The following TRPM6 variants were observed in gnomAD, a reference collection of about 807,000 sequenced individuals.
TRPM6 encodes transient receptor potential cation channel subfamily M member 6.
A neutral mutation model predicts 247.6 loss-of-function variants in TRPM6; 111 were observed. The observed-to-expected ratio is 0.45, with a 90% CI of 0.38 to 0.52. The LOEUF (loss-of-function observed/expected upper bound fraction) is 0.52, where lower values mean the gene tolerates loss of function less well. Ranked by LOEUF, TRPM6 falls within the 20% of genes least tolerant of loss-of-function variation. The pLI is 0.00. For synonymous variants in TRPM6, 892 were observed against 853.8 expected (o/e 1.04, Z -0.78); for missense variants, 2,126 against 2,421.5 (o/e 0.88, Z 2.56).
At chr9:74,757,140 T>G (rs538798060) in intron 27 of TRPM6, among the ~76,000 whole-genome samples, 1 of 148,524 alleles carries the variant, frequency 6.7e-6, no homozygotes, top group East Asian at 2.1e-4. Context: ...ATGGTGCCAC[T>G]GCACTCCAGC....
chr9:74,839,110 CAAAAA>C (rs1041936045), intron 5 of TRPM6, among the ~76,000 whole-genome samples: 1 of 62,982 alleles, frequency 1.6e-5, no homozygotes. Context: ...GACTTCATCT[CAAAAA>C]AAAAAAAAAA....
At chr9:74,784,289 A>G (rs1827569368) in intron 21 of TRPM6, among the ~76,000 whole-genome samples, 1 of 151,776 alleles carries the variant, frequency 6.6e-6, no homozygotes, top group Admixed American at 6.6e-5. Flanking sequence ...AGAAAGAAAA[A>G]GAAAAAAAGA....
chr9:74,812,262 C>T, intron 12 of TRPM6, 37 bp downstream of exon 12: 1 of 1,612,180 alleles, frequency 6.2e-7, no homozygotes, highest in Non-Finnish European at 8.5e-7. Flanking sequence ...CTTCTTGAAT[C>T]TGGAGGGAAA....
chr9:74,790,530 A>C (rs1002645419), intron 19 of TRPM6, among the ~76,000 whole-genome samples: 2 of 152,128 alleles, frequency 1.3e-5, no homozygotes, highest in African/African-American at 4.8e-5. Flanking sequence ...GATTCCTTAT[A>C]CTGGACTCAT....
chr9:74,843,738 C>T (rs1055428891), intron 3 of TRPM6, among the ~76,000 whole-genome samples: 4 of 151,130 alleles, frequency 2.6e-5, no homozygotes, highest in African/African-American at 9.7e-5. Context: ...TGGCATGAAC[C>T]CAGGAGGTGG....
intron 7 of TRPM6, among the ~76,000 whole-genome samples, chr9:74,824,643 C>T (rs1034976647): frequency 6.6e-6 from 1 of 151,566 alleles, no homozygotes; most frequent in Non-Finnish European, 1.5e-5. Context: ...CTGTAAGGTC[C>T]CAGGGTGAGG....
intron 2 of TRPM6, among the ~76,000 whole-genome samples, chr9:74,856,526 G>A (rs1403708155): frequency 1.3e-5 from 2 of 151,410 alleles, no homozygotes; most frequent in African/African-American, 4.9e-5. Flanking sequence ...TAAAATAATG[G>A]AAGAAAAGGT....
rs77107142 is a variant in TRPM6, at chr9:74,772,750, G to A, written c.3404-915C>T. 4.5e-3 allele frequency among the ~76,000 whole-genome samples: 687 copies of A among 152,304 alleles called. 4 individuals carry two copies. Among genetic ancestry groups the A allele is most frequent in the African/African-American group, 0.016 (645 of 41,566 alleles). On this transcript the variant is annotated intron_variant, in intron 24 of 38. Transcript: ENST00000360774. ...TGGCAGGGCATGGTGGCTCACACCTGTAATCCCAGCACTTTGGGAGGCCGA... is the reference window on the plus strand; with the variant it reads ...TGGCAGGGCATGGTGGCTCACACCTATAATCCCAGCACTTTGGGAGGCCGA...
intron 37 of TRPM6, among the ~76,000 whole-genome samples, chr9:74,731,365 C>T (rs1378809717): frequency 6.6e-6 from 1 of 151,990 alleles, no homozygotes; most frequent in African/African-American, 2.4e-5. Context: ...AAATAATATT[C>T]TTAGCTAAAA....
At chr9:74,811,891 G>C (rs1828741865) in intron 12 of TRPM6, among the ~76,000 whole-genome samples, 1 of 152,190 alleles carries the variant, frequency 6.6e-6, no homozygotes, top group African/African-American at 2.4e-5. Flanking sequence ...GAATGCTGGA[G>C]AAGAGTGCAG....
intron 17 of TRPM6, 72 bp downstream of exon 17, chr9:74,800,182 A>C (rs1373254210): frequency 7.1e-7 from 1 of 1,411,482 alleles, no homozygotes; most frequent in African/African-American, 1.4e-5. Flanking sequence ...TTCTGGAACA[A>C]AATGTAACTC....
intron 1 of TRPM6, among the ~76,000 whole-genome samples, chr9:74,870,134 G>A (rs1264066678): frequency 2.0e-5 from 3 of 152,008 alleles, no homozygotes; most frequent in African/African-American, 7.2e-5. Flanking sequence ...TAGGTTCTAC[G>A]GATCACAAAG....
Position 74,724,510 on chromosome 9 carries a change from C to T in TRPM6, c.*103G>A. The T allele has an allele frequency of 6.4e-7, 1 of 1,557,554 alleles. No individual in the cohort carries two copies. Among genetic ancestry groups the T allele is most frequent in the East Asian group, 2.2e-5 (1 of 44,530 alleles). ...AGATGTGAGGCTCAGAAGGCGTGTC[C>T]CAAGGAGACGCTGATGTAATCAACA... On this transcript the variant is annotated 3_prime_UTR_variant, in exon 39 of 39. Coordinates refer to ENST00000360774, the MANE Select transcript of TRPM6 (RefSeq NM_017662.5).
At position 74,773,517 on chromosome 9, in the gene TRPM6, C is replaced by A. The variant is rs77469698; in HGVS notation, c.3404-1682G>T. Among the ~76,000 whole-genome samples the A allele has an allele frequency of 4.2e-3, 642 of 152,294 alleles. 5 individuals are homozygous for A. Among genetic ancestry groups the A allele is most frequent in the African/African-American group, 0.015 (607 of 41,560 alleles). The stretch of plus-strand genomic sequence containing the variant: ...GGCTAACACAATTCTTCATCAAACT[C>A]CAGCATTCACATTTGGTCTATTACC... On this transcript the variant is annotated intron_variant, in intron 24 of 38. Coordinates refer to ENST00000360774, the MANE Select transcript of TRPM6 (RefSeq NM_017662.5).
chr9:74,847,157 T>TA (rs530308195), intron 3 of TRPM6, among the ~76,000 whole-genome samples: 111 of 152,318 alleles, frequency 7.3e-4, no homozygotes, highest in Non-Finnish European at 1.3e-3. Flanking sequence ...ATTTCCTTTG[T>TA]AAAAAAATTT....
At chr9:74,795,524 C>T (rs115477362) in intron 18 of TRPM6, among the ~76,000 whole-genome samples, 3 of 152,150 alleles carry the variant, frequency 2.0e-5, no homozygotes, top group Admixed American at 6.5e-5. Flanking sequence ...CACTTCCCAA[C>T]TCCATGACCC....
chr9:74,836,304 A>G (rs1829719300), intron 5 of TRPM6, among the ~76,000 whole-genome samples: 1 of 152,164 alleles, frequency 6.6e-6, no homozygotes, highest in Non-Finnish European at 1.5e-5. Flanking sequence ...TATTCTTCCT[A>G]TGTGTGGTAC....
chr9:74,826,556 C>A (rs1321296281), intron 7 of TRPM6, among the ~76,000 whole-genome samples: 3 of 152,002 alleles, frequency 2.0e-5, no homozygotes, highest in African/African-American at 7.2e-5. Context: ...AGCACTCAGC[C>A]CTCCTGCTCT....
chr9:74,752,283 A>G lies in TRPM6; in HGVS notation c.4992T>C (p.Ser1664=), dbSNP rs1467974409. ...AIQISDYLKQ[S]QEDLSKNSLW... is the part of the protein sequence containing the mutation. ...ACTCCTAAAATATTTTTACCTCTTGAGACTGCTTTAGGTAATCACTGATTT... is the reference window on the plus strand; with the variant it reads ...ACTCCTAAAATATTTTTACCTCTTGGGACTGCTTTAGGTAATCACTGATTT... The change falls in exon 29 of 39, where the codon TCT becomes TCC. Residue 1664 remains serine, a synonymous_variant. Coordinates refer to ENST00000360774, the MANE Select transcript of TRPM6 (RefSeq NM_017662.5). The G allele has an allele frequency of 3.2e-6, 5 of 1,578,106 alleles. No homozygotes were observed. Among genetic ancestry groups the G allele is most frequent in the Admixed American group, 1.7e-5 (1 of 59,420 alleles).
Sources: gnomAD v4.1 joint callset for allele counts (sites outside exome capture counted in the v4.1 genomes callset) on GRCh38, gnomAD v4.1.1 for gene constraint, MANE v1.5 for transcripts, NCBI Gene and HGNC (gene_info 2026-07-23, HGNC 2026-07-21) for gene names.